Variants in TPO observed in about 807,000 individuals in gnomAD.
TPO encodes thyroid microsomal antigen.
In TPO, 78 loss-of-function variants were observed where a neutral mutation model predicts 96.9. That is an observed-to-expected ratio of 0.81 (90% CI 0.67 to 0.97). The LOEUF (loss-of-function observed/expected upper bound fraction) is 0.97, where lower values mean the gene tolerates loss of function less well. Ranked by LOEUF, TPO falls within the 50% of genes least tolerant of loss-of-function variation. TPO has a pLI of 0.00. For synonymous variants in TPO, 547 were observed against 538.0 expected, an observed-to-expected ratio of 1.02 and a Z score of -0.23; for missense variants, 1,252 against 1,274.8, an observed-to-expected ratio of 0.98 and a Z score of 0.27.
At chr2:1,443,031 C>A (rs954691728) in intron 5 of TPO, among the ~76,000 whole-genome samples, 1 of 152,168 alleles carries the variant, frequency 6.6e-6, no homozygotes, top group African/African-American at 2.4e-5. Context: ...AGCCCAGGAG[C>A]TCAAGACCAG....
intron 1 of TPO, among the ~76,000 whole-genome samples, chr2:1,400,632 A>C (rs1217194275): frequency 6.6e-6 from 1 of 151,926 alleles, no homozygotes; most frequent in Non-Finnish European, 1.5e-5. Context: ...AAAAAAAAAA[A>C]AAACAAATTT....
intron 7 of TPO, among the ~76,000 whole-genome samples, chr2:1,471,457 T>A (rs1669408816): frequency 6.6e-6 from 1 of 150,968 alleles, no homozygotes; most frequent in Non-Finnish European, 1.5e-5. Context: ...CCCACAAATT[T>A]TGATACATGG....
chr2:1,484,902 T>A lies in TPO; in HGVS notation c.1597+48T>A, dbSNP rs1358196841. 4 of 1,602,438 alleles carry A rather than the reference T, an allele frequency of 2.5e-6. No homozygotes were observed. In the East Asian group the frequency reaches 6.8e-5, roughly 27 times the overall value. ...GCTGGTCCCCATGAACTCTTCCTTC[T>A]TTTTTTAATTTTTTTAAATTATATT... is the stretch of plus-strand genomic sequence containing the variant. On this transcript the variant is annotated intron_variant, in intron 9 of 16. Coordinates refer to ENST00000329066, the MANE Select transcript of TPO (RefSeq NM_001206744.2).
chr2:1,376,669 C>T (rs1158217410), intron 1 of TPO, among the ~76,000 whole-genome samples: 1 of 152,148 alleles, frequency 6.6e-6, no homozygotes, highest in Non-Finnish European at 1.5e-5. Flanking sequence ...ATTCACCCTC[C>T]ACCTCCCAGA....
At chr2:1,420,723 T>G (rs1663426084) in intron 2 of TPO, among the ~76,000 whole-genome samples, 1 of 151,822 alleles carries the variant, frequency 6.6e-6, no homozygotes, top group South Asian at 2.1e-4. Flanking sequence ...GTCACTTGGG[T>G]GACAGCAGGA....
intron 15 of TPO, among the ~76,000 whole-genome samples, chr2:1,531,046 CCAAATACCCCCACTATGTGCAACCTCCT>C (rs1678041262): frequency 2.0e-5 from 2 of 98,152 alleles, no homozygotes; most frequent in African/African-American, 8.4e-5. Flanking sequence ...TGCAACCCCC[CCAAATACCCCCACTATGTGCAACCTCCT>C]CAAATCCCCC....
intron 15 of TPO, among the ~76,000 whole-genome samples, chr2:1,536,999 CAAATCCCCCCACTGTGTGCAACGT>C: frequency 1.8e-5 from 1 of 54,368 alleles, no homozygotes; most frequent in African/African-American, 7.8e-5. Context: ...TGTGCAACCT[CAAATCCCCCCACTGTGTGCAACGT>C]CCTCAAATAC....
At position 1,423,041 on chromosome 2, in the gene TPO, G is replaced by C. The variant is rs757494249; in HGVS notation, c.95-4G>C. On this transcript the variant is annotated splice_polypyrimidine_tract_variant and splice_region_variant and intron_variant, in intron 2 of 16. Coordinates refer to ENST00000329066, the MANE Select transcript of TPO (RefSeq NM_001206744.2). ...CTTTGACTGTGTGACATTCTGTTCC[G>C]TAGGAAAGCCTGAGGAGTCTCGTGT... is the stretch of plus-strand genomic sequence containing the variant. 2 of 1,614,074 alleles carry C rather than the reference G, an allele frequency of 1.2e-6. No individual in the cohort carries two copies. Among genetic ancestry groups the C allele is most frequent in the Non-Finnish European group, 8.5e-7 (1 of 1,179,936 alleles).
In TPO at chr2:1,436,316, G is replaced by A; in HGVS notation, c.414G>A (p.Leu138=). 3.1e-6 allele frequency: 5 copies of A among 1,614,152 alleles called. No homozygotes were observed. The highest frequency in any genetic ancestry group is 4.2e-6 in the Non-Finnish European group (5 of 1,180,026). Reference sequence around the variant, plus strand: ...TGTCTGGATGTCTCCCTTACATGCTGCCCCCAAAATGCCCAAACACTTGCC... The same window carrying A: ...TGTCTGGATGTCTCCCTTACATGCTACCCCCAAAATGCCCAAACACTTGCC... ...ANMSGCLPYM[L]PPKCPNTCLA... is the part of the protein sequence containing the mutation. Residue 138 remains leucine (L), a synonymous_variant, in exon 5 of 17, where the codon CTG becomes CTA. Coordinates refer to ENST00000329066, the MANE Select transcript of TPO (RefSeq NM_001206744.2).
At chr2:1,434,001 C>T (rs1665301549) in intron 4 of TPO, among the ~76,000 whole-genome samples, 1 of 152,142 alleles carries the variant, frequency 6.6e-6, no homozygotes, top group South Asian at 2.1e-4. Context: ...TGCAGGGAGC[C>T]CCATCTTCCC....
chr2:1,446,873 G>T (rs1234494475), intron 5 of TPO, among the ~76,000 whole-genome samples: 1 of 152,042 alleles, frequency 6.6e-6, no homozygotes. Flanking sequence ...GAATGTGAAG[G>T]TATTTTTCTT....
chr2:1,447,506 C>T (rs539835376), intron 5 of TPO, among the ~76,000 whole-genome samples: 22 of 152,194 alleles, frequency 1.4e-4, no homozygotes, highest in Non-Finnish European at 2.8e-4. Context: ...ACCTTGGACA[C>T]AAGTTCTCAG....
intron 3 of TPO, among the ~76,000 whole-genome samples, chr2:1,429,813 G>T (rs2148475474): frequency 6.6e-6 from 1 of 152,328 alleles, no homozygotes; most frequent in Admixed American, 6.5e-5. Flanking sequence ...ATGCAGCAAA[G>T]AATTCAAGGG....
At chr2:1,480,605 C>CACACA (rs74164518) in intron 8 of TPO, among the ~76,000 whole-genome samples, 1 of 139,254 alleles carries the variant, frequency 7.2e-6, no homozygotes, top group Non-Finnish European at 1.6e-5. Flanking sequence ...CACACACACA[C>CACACA]GAGCCAGCCA....
At chr2:1,479,168 A>G (rs6588678) in intron 8 of TPO, among the ~76,000 whole-genome samples, 100,591 of 152,134 alleles carry the variant, frequency 0.66, 33,982 homozygotes, top group African/African-American at 0.81. Flanking sequence ...CCTCGTCTCC[A>G]TGAGTCTGGA....
chr2:1,479,177 G>C (rs1204622081), intron 8 of TPO, among the ~76,000 whole-genome samples: 1 of 152,214 alleles, frequency 6.6e-6, no homozygotes. Context: ...CATGAGTCTG[G>C]ACTTCCGGCC....
intron 2 of TPO, among the ~76,000 whole-genome samples, chr2:1,415,608 G>A (rs1392604483): frequency 2.4e-4 from 36 of 147,328 alleles, no homozygotes; most frequent in Admixed American, 5.4e-4. Flanking sequence ...CACCTCACTG[G>A]GCAGGTCCCT....
At chr2:1,541,736 A>C (rs1191906497) in intron 16 of TPO, 1 of 152,720 alleles carries the variant, frequency 6.5e-6, no homozygotes, top group African/African-American at 2.4e-5. Context: ...ATGTAAAGGT[A>C]TCAAAACCAT....
chr2:1,388,795 G>A (rs1250717831), intron 1 of TPO, among the ~76,000 whole-genome samples: 1 of 152,126 alleles, frequency 6.6e-6, no homozygotes, highest in Non-Finnish European at 1.5e-5. Flanking sequence ...CCCATCTTCT[G>A]CGTCGCTCAC....
Sources: allele counts gnomAD v4.1 joint callset (sites outside exome capture counted in the v4.1 genomes callset), GRCh38; gene constraint gnomAD v4.1.1; transcripts MANE v1.5; gene names NCBI Gene and HGNC (gene_info 2026-07-23, HGNC 2026-07-21).